Variants in ZNF704 observed in about 807,000 individuals in gnomAD.
The protein encoded by ZNF704 is glucocorticoid induced gene 1.
ZNF704 carries 10 observed loss-of-function variants against 44.7 expected under a neutral mutation model. The ratio of observed to expected loss-of-function variants is 0.22; its 90% CI spans 0.14 to 0.38. The LOEUF is 0.38. ZNF704 is among the 10% of genes least tolerant of loss of function. ZNF704 has a pLI of 1.00. For missense variants in ZNF704, 390 were observed against 545.5 expected (o/e 0.71, Z 2.84); for synonymous variants, 211 against 207.6 (o/e 1.02, Z -0.14).
At chr8:80,686,336 T>G (rs746755425) in intron 4 of ZNF704, among the ~76,000 whole-genome samples, 2 of 152,252 alleles carry the variant, frequency 1.3e-5, no homozygotes, top group East Asian at 3.8e-4. Context: ...TGTAATCAAT[T>G]AATTTGCTAA....
chr8:80,865,307 G>A (rs373997935), intron 1 of ZNF704, among the ~76,000 whole-genome samples: 6 of 152,266 alleles, frequency 3.9e-5, no homozygotes, highest in South Asian at 4.1e-4. Context: ...ACATGAAAGC[G>A]TAGAGACAGT....
intron 1 of ZNF704, among the ~76,000 whole-genome samples, chr8:80,826,461 A>G (rs1236983851): frequency 6.6e-6 from 1 of 152,326 alleles, no homozygotes; most frequent in East Asian, 1.9e-4. Flanking sequence ...AAGTCCAGGA[A>G]CAGACGGATT....
intron 2 of ZNF704, among the ~76,000 whole-genome samples, chr8:80,810,536 T>C (rs1205709732): frequency 4.6e-5 from 7 of 152,174 alleles, no homozygotes; most frequent in Non-Finnish European, 1.0e-4. Context: ...GGTCCAAGCC[T>C]ACAGTATGTT....
At chr8:80,883,074 C>CAA in the ZNF704 span, among the ~76,000 whole-genome samples, 4,902 of 43,010 alleles carry the variant, frequency 0.11, 297 homozygotes, top group African/African-American at 0.14. Context: ...CCTGTCTCTA[C>CAA]AAAAAAAAAA....
At chr8:80,873,972 C>T (rs914608493) in intron 1 of ZNF704, among the ~76,000 whole-genome samples, 1 of 146,180 alleles carries the variant, frequency 6.8e-6, no homozygotes, top group African/African-American at 2.5e-5. Context: ...GGCGCCGGCC[C>T]GGCAGGCTGC....
At chr8:80,832,086 G>A (rs1808481265) in intron 1 of ZNF704, among the ~76,000 whole-genome samples, 1 of 152,072 alleles carries the variant, frequency 6.6e-6, no homozygotes, top group African/African-American at 2.4e-5. Flanking sequence ...AATTATATGA[G>A]AATACCACCA....
chr8:80,830,506 A>G (rs1270701808), intron 1 of ZNF704, among the ~76,000 whole-genome samples: 7 of 152,090 alleles, frequency 4.6e-5, no homozygotes, highest in African/African-American at 1.7e-4. Context: ...GCATGAGAGA[A>G]CTTTTTGGGG....
intron 3 of ZNF704, 119 bp from the exon 4 acceptor site, chr8:80,687,577 G>A (rs1036404912): frequency 1.4e-6 from 1 of 690,402 alleles, no homozygotes; most frequent in Admixed American, 3.4e-5. Flanking sequence ...TCAATCATCT[G>A]CAACAGCTGG....
intron 1 of ZNF704, among the ~76,000 whole-genome samples, chr8:80,827,417 G>A (rs7815321): frequency 0.22 from 33,805 of 152,024 alleles, 5,436 homozygotes; most frequent in African/African-American, 0.46. Context: ...CAACAAAATA[G>A]AAGAGGACAC....
intron 6 of ZNF704, among the ~76,000 whole-genome samples, chr8:80,663,745 G>A (rs1203894871): frequency 6.6e-6 from 1 of 151,634 alleles, no homozygotes; most frequent in African/African-American, 2.4e-5. Context: ...TTATTTTTTT[G>A]AGACAGGGTC....
At chr8:80,810,963 G>A (rs922141848) in intron 2 of ZNF704, among the ~76,000 whole-genome samples, 2 of 152,164 alleles carry the variant, frequency 1.3e-5, no homozygotes, top group Admixed American at 6.5e-5. Context: ...TCCACCCCTA[G>A]CAGTGTGAGT....
chr8:80,672,242 G>T (rs1239529797), intron 4 of ZNF704, among the ~76,000 whole-genome samples: 1 of 152,118 alleles, frequency 6.6e-6, no homozygotes, highest in Non-Finnish European at 1.5e-5. Flanking sequence ...AGTCAGAATG[G>T]CTATTACCAA....
At chr8:80,823,643 C>T (rs540872233) in intron 1 of ZNF704, among the ~76,000 whole-genome samples, 27 of 152,278 alleles carry the variant, frequency 1.8e-4, no homozygotes, top group African/African-American at 6.3e-4. Flanking sequence ...CCCTGACCAC[C>T]GAGTAGCCTA....
intron 2 of ZNF704, among the ~76,000 whole-genome samples, chr8:80,800,938 A>G (rs1807888987): frequency 6.6e-6 from 1 of 152,202 alleles, no homozygotes. Context: ...AAAGACACAC[A>G]TAGGCTCAAA....
chr8:80,641,350 T>C lies in ZNF704; in HGVS notation c.*16A>G. ...GGAGCGGCTCAGGGCCCTGAGCCCC[T>C]CTGCCTGGGGGTCTCTCAGTCGAGG... On this transcript the variant is annotated 3_prime_UTR_variant, in exon 9 of 9. Transcript: ENST00000327835. 1 of 1,422,900 alleles carries C rather than the reference T, an allele frequency of 7.0e-7. No individual in the cohort carries two copies. The highest frequency in any genetic ancestry group is 2.6e-4 in the Middle Eastern group (1 of 3,872). 88.1% of individuals were successfully genotyped at this position (1,422,900 alleles called of 1,614,324 possible). A position where few individuals can be genotyped will look rare whatever the true frequency, so the allele number is the denominator to read the frequency against.
intron 2 of ZNF704, among the ~76,000 whole-genome samples, chr8:80,703,328 G>A (rs980952010): frequency 3.9e-5 from 6 of 152,014 alleles, no homozygotes; most frequent in Non-Finnish European, 8.8e-5. Flanking sequence ...CCTGGAAGCC[G>A]CCTTCCACCT....
At position 80,861,991 on chromosome 8, in the gene ZNF704, C is replaced by CTTTTTT. The variant is rs71266093; in HGVS notation, c.-22+12574_-22+12579dup. 8.6e-5 allele frequency among the ~76,000 whole-genome samples: 8 copies of CTTTTTT among 92,996 alleles called. 1 individual carries two copies. The highest frequency in any genetic ancestry group is 2.7e-4 in the East Asian group (1 of 3,722). 61.0% of individuals were successfully genotyped at this position (92,996 alleles called of 152,430 possible). A position where few individuals can be genotyped will look rare whatever the true frequency, so the allele number is the denominator to read the frequency against. ...GTTGAACAAGATAGAAAAAAATAAC[C>CTTTTTT]TTTTTTTTTTTTTTTTTTTTTTTTT... On this transcript the variant is annotated intron_variant, in intron 1 of 8. Coordinates refer to ENST00000327835, the MANE Select transcript of ZNF704 (RefSeq NM_001033723.3).
chr8:80,824,307 A>G (rs1032121252), intron 1 of ZNF704, among the ~76,000 whole-genome samples: 1 of 152,240 alleles, frequency 6.6e-6, no homozygotes, highest in African/African-American at 2.4e-5. Context: ...CGATTTGATC[A>G]AGTGGAAAAA....
At chr8:80,861,991 C>CTTTTTTTTTTTTT (rs71266093) in intron 1 of ZNF704, among the ~76,000 whole-genome samples, 3 of 92,996 alleles carry the variant, frequency 3.2e-5, no homozygotes, top group African/African-American at 1.6e-4. Context: ...AAAAAATAAC[C>CTTTTTTTTTTTTT]TTTTTTTTTT....
Sources: gnomAD v4.1 joint callset for allele counts (sites outside exome capture counted in the v4.1 genomes callset) on GRCh38, gnomAD v4.1.1 for gene constraint, MANE v1.5 for transcripts, NCBI Gene and HGNC (gene_info 2026-07-23, HGNC 2026-07-21) for gene names.